DEPTOR: variants seen among roughly 807,000 people sequenced by gnomAD.
The protein encoded by DEPTOR is DEP domain-containing mTOR-interacting protein.
Under a neutral mutation model 41.6 loss-of-function variants are expected in DEPTOR, and 41 were observed. The observed-to-expected ratio is 0.98, with a 90% confidence interval of 0.77 to 1.28. The LOEUF is 1.28. DEPTOR is among the 50% of genes most tolerant of loss of function. DEPTOR has a pLI of 0.00. For synonymous variants in DEPTOR, 195 were observed against 192.3 expected (o/e 1.01, Z -0.12); for missense variants, 514 against 527.9 (o/e 0.97, Z 0.26).
intron 1 of DEPTOR, among the ~76,000 whole-genome samples, chr8:119,923,760 A>T (rs915940037): frequency 6.6e-6 from 1 of 151,962 alleles, no homozygotes; most frequent in Non-Finnish European, 1.5e-5. Flanking sequence ...TTGTTTTAAA[A>T]TTTTTTATAG....
intron 6 of DEPTOR, among the ~76,000 whole-genome samples, chr8:120,004,215 A>G (rs1812398818): frequency 6.6e-6 from 1 of 152,220 alleles, no homozygotes; most frequent in Non-Finnish European, 1.5e-5. Context: ...ATCTAATGGT[A>G]TTATCTAGGA....
At chr8:119,929,526 T>C (rs1828012609) in intron 2 of DEPTOR, among the ~76,000 whole-genome samples, 1 of 152,110 alleles carries the variant, frequency 6.6e-6, no homozygotes, top group Non-Finnish European at 1.5e-5. Flanking sequence ...AATTTGTGGA[T>C]TGCATGATGA....
intron 4 of DEPTOR, among the ~76,000 whole-genome samples, chr8:119,992,909 G>A (rs112941135): frequency 0.032 from 4,804 of 151,890 alleles, 169 homozygotes; most frequent in African/African-American, 0.087. Context: ...CACCTGCCTC[G>A]GCCTCCCAAA....
intron 4 of DEPTOR, among the ~76,000 whole-genome samples, chr8:119,976,295 A>G (rs1828695846): frequency 6.6e-6 from 1 of 152,132 alleles, no homozygotes; most frequent in Admixed American, 6.5e-5. Context: ...CTAACTAGAG[A>G]GTAAATGTTT....
intron 8 of DEPTOR, among the ~76,000 whole-genome samples, chr8:120,034,186 A>G (rs948657168): frequency 5.9e-5 from 9 of 151,866 alleles, no homozygotes; most frequent in African/African-American, 1.7e-4. Context: ...GCTCAGTCCT[A>G]TTTATAATCC....
intron 4 of DEPTOR, among the ~76,000 whole-genome samples, chr8:119,997,082 A>G (rs959525019): frequency 1.3e-5 from 2 of 152,160 alleles, no homozygotes; most frequent in African/African-American, 2.4e-5. Flanking sequence ...GAATCCAAGA[A>G]TGGTTGGTTT....
chr8:120,026,776 T>C (rs1812802996), intron 8 of DEPTOR, among the ~76,000 whole-genome samples: 1 of 152,238 alleles, frequency 6.6e-6, no homozygotes. Flanking sequence ...TGAAATAGAC[T>C]CACTTCAGGG....
At chr8:119,902,885 G>A (rs76344651) in intron 1 of DEPTOR, among the ~76,000 whole-genome samples, 3,086 of 151,870 alleles carry the variant, frequency 0.02, 61 homozygotes, top group Middle Eastern at 0.051. Flanking sequence ...TGAGGGTCGT[G>A]CCACTTTGGA....
chr8:119,951,939 C>G (rs1232014121), intron 3 of DEPTOR, among the ~76,000 whole-genome samples: 1 of 152,066 alleles, frequency 6.6e-6, no homozygotes, highest in Non-Finnish European at 1.5e-5. Context: ...GAGTTCAAGA[C>G]AAGCCTGGGC....
chr8:119,885,762 T>C (rs1360577509), intron 1 of DEPTOR, among the ~76,000 whole-genome samples: 1 of 152,242 alleles, frequency 6.6e-6, no homozygotes, highest in Non-Finnish European at 1.5e-5. Flanking sequence ...TGAATACTCA[T>C]GTCCACCACT....
At chr8:119,941,542 A>G (rs543949760) in intron 3 of DEPTOR, among the ~76,000 whole-genome samples, 1 of 152,318 alleles carries the variant, frequency 6.6e-6, no homozygotes, top group South Asian at 2.1e-4. Context: ...GAGAAAGCCA[A>G]AATGATATCT....
At chr8:119,889,211 G>T (rs1563957611) in intron 1 of DEPTOR, among the ~76,000 whole-genome samples, 1 of 151,992 alleles carries the variant, frequency 6.6e-6, no homozygotes, top group East Asian at 1.9e-4. Context: ...ACTTAAAAAA[G>T]TAAGTCATGC....
At position 119,927,162 on chromosome 8, in the gene DEPTOR, T is replaced by C. The variant is rs553325013; in HGVS notation, c.123-1238T>C. On this transcript the variant is annotated intron_variant, in intron 1 of 8. Coordinates refer to ENST00000286234, the MANE Select transcript of DEPTOR (RefSeq NM_022783.4). ...AGATAGGAGAATGAGAAACAGACCC[T>C]ATGAAGTTCTGGAACCACTGGGTGC... 3.7e-4 allele frequency among the ~76,000 whole-genome samples: 57 copies of C among 152,248 alleles called. 3 individuals are homozygous for C. In the South Asian group the frequency reaches 0.011, roughly 30 times the overall value.
At chr8:119,888,980 C>T (rs933675866) in intron 1 of DEPTOR, among the ~76,000 whole-genome samples, 1 of 150,164 alleles carries the variant, frequency 6.7e-6, no homozygotes, top group African/African-American at 2.5e-5. Context: ...AATGCCTGGG[C>T]GGAAAAGGGC....
chr8:119,979,834 G>A (rs1168891680), intron 4 of DEPTOR, among the ~76,000 whole-genome samples: 3 of 152,116 alleles, frequency 2.0e-5, no homozygotes, highest in African/African-American at 7.2e-5. Context: ...CCTTCTTGGT[G>A]CTGAAATCAT....
In DEPTOR at chr8:119,943,098, C is replaced by T. The variant is rs192791730; in HGVS notation, c.425+13160C>T. ...ACCTGCTGTGTCCCCAAGAGGCTGA[C>T]TTACATGGACGGTTTCACCGGAGTC... On this transcript the variant is annotated intron_variant, in intron 3 of 8. Transcript: ENST00000286234. Among the ~76,000 whole-genome samples, 13 of 152,310 alleles carry T rather than the reference C, an allele frequency of 8.5e-5. No individual in the cohort carries two copies. The East Asian group carries it at 2.3e-3, about 27-fold the overall frequency.
At chr8:119,900,188 C>T (rs570749390) in intron 1 of DEPTOR, among the ~76,000 whole-genome samples, 316 of 151,382 alleles carry the variant, frequency 2.1e-3, no homozygotes, top group Middle Eastern at 6.8e-3. Context: ...GGCGTGGTGG[C>T]GCACACCTGC....
intron 8 of DEPTOR, among the ~76,000 whole-genome samples, chr8:120,043,274 T>G (rs1432768232): frequency 6.6e-6 from 1 of 152,084 alleles, no homozygotes; most frequent in African/African-American, 2.4e-5. Flanking sequence ...CCACCGTGAC[T>G]GGCCCTAATA....
chr8:119,994,112 G>A (rs1038710850), intron 4 of DEPTOR, among the ~76,000 whole-genome samples: 4 of 151,266 alleles, frequency 2.6e-5, no homozygotes, highest in African/African-American at 9.7e-5. Flanking sequence ...ACTCCAGCCT[G>A]GGCAACGGAG....
Sources: gnomAD v4.1 joint callset for allele counts (sites outside exome capture counted in the v4.1 genomes callset) on GRCh38, gnomAD v4.1.1 for gene constraint, MANE v1.5 for transcripts, NCBI Gene and HGNC (gene_info 2026-07-23, HGNC 2026-07-21) for gene names.